The following PRPH2 variants were observed in gnomAD, a reference collection of about 807,000 sequenced individuals.
PRPH2 encodes the protein peripherin 2, also known as peripherin-2.
In PRPH2, 17 loss-of-function variants were observed where a neutral mutation model predicts 31.3. That is an observed-to-expected ratio of 0.54 (90% CI 0.37 to 0.81). The LOEUF (loss-of-function observed/expected upper bound fraction) is 0.81, where lower values mean the gene tolerates loss of function less well. Ranked by LOEUF, PRPH2 falls within the 40% of genes least tolerant of loss-of-function variation. The probability of loss-of-function intolerance (pLI) is 0.00; values close to 1 mark genes in which losing one functional copy is unlikely to be tolerated. For missense variants in PRPH2, 430 were observed against 439.7 expected, an observed-to-expected ratio of 0.98 and a Z score of 0.20; for synonymous variants, 165 against 184.4, an observed-to-expected ratio of 0.89 and a Z score of 0.85.
intron 2 of PRPH2, among the ~76,000 whole-genome samples, chr6:42,702,869 C>CA (rs879560328): frequency 9.3e-5 from 13 of 139,578 alleles, no homozygotes; most frequent in South Asian, 2.3e-4. Flanking sequence ...GACTTCATCT[C>CA]AAAAAAAAAG....
intron 2 of PRPH2, among the ~76,000 whole-genome samples, chr6:42,698,909 C>T (rs567141858): frequency 1.3e-5 from 2 of 152,252 alleles, no homozygotes; most frequent in African/African-American, 4.8e-5. Context: ...CCCCTCGGGT[C>T]GCCCCCATCC....
chr6:42,721,781 A>G lies in PRPH2; in HGVS notation c.554T>C (p.Leu185Pro), dbSNP rs121918563. ...FEIQWISNRYLDFSSKEVKDR... is the reference protein window; with the variant it reads ...FEIQWISNRYPDFSSKEVKDR... The stretch of plus-strand genomic sequence containing the variant: ...TTTGACTTCTTTGGAGGAAAAGTCC[A>G]GGTAGCGATTGCTGATCCACTGAAT... Residue 185 changes from leucine (L) to proline (P), a missense_variant, in exon 1 of 3, where the codon CTG becomes CCG. Physicochemically the swap from Leu to Pro is moderately conservative, Grantham distance 98. Coordinates refer to ENST00000230381, the MANE Select transcript of PRPH2 (RefSeq NM_000322.5). The G allele has an allele frequency of 9.9e-6, 16 of 1,614,112 alleles. No individual in the cohort carries two copies. Among genetic ancestry groups the G allele is most frequent in the Non-Finnish European group, 1.3e-5 (15 of 1,180,046 alleles).
chr6:42,709,058 C>T lies in PRPH2; in HGVS notation c.582-4447G>A, dbSNP rs557145536. The stretch of plus-strand genomic sequence containing the variant: ...CAAGAAGTCGGGGTCCAGCCGGGCG[C>T]GGTGGCTCACGCCTGTAATCCTAGC... On this transcript the variant is annotated intron_variant, in intron 1 of 2. Coordinates refer to ENST00000230381, the MANE Select transcript of PRPH2 (RefSeq NM_000322.5). Among the ~76,000 whole-genome samples, 8 of 151,998 alleles carry T rather than the reference C, an allele frequency of 5.3e-5. No homozygotes were observed. In the East Asian group the frequency reaches 1.2e-3, roughly 22 times the overall value.
At position 42,702,966 on chromosome 6, in the gene PRPH2, C is replaced by T. The variant is rs1800074983; in HGVS notation, c.828+1399G>A. Reference sequence around the variant, plus strand: ...CCAAGGTAAGAGGATTGCTTGAAGCCAGGAGTTAGAGAGCAGCCTGGGCAA... The same window carrying T: ...CCAAGGTAAGAGGATTGCTTGAAGCTAGGAGTTAGAGAGCAGCCTGGGCAA... On this transcript the variant is annotated intron_variant, in intron 2 of 2. Coordinates refer to ENST00000230381, the MANE Select transcript of PRPH2 (RefSeq NM_000322.5). 2.0e-5 allele frequency among the ~76,000 whole-genome samples: 3 copies of T among 152,124 alleles called. No homozygotes were observed. In the South Asian group the frequency reaches 6.2e-4, roughly 32 times the overall value.
Position 42,721,779 on chromosome 6 carries a change from C to G in PRPH2, c.556G>C (p.Asp186His). The change falls in exon 1 of 3, where the codon GAC (aspartate) becomes CAC (histidine). Residue 186 changes from aspartate to histidine, a missense_variant. Asp to His is a moderately conservative substitution (Grantham distance 81). Transcript: ENST00000230381. ...TCTTTGACTTCTTTGGAGGAAAAGT[C>G]CAGGTAGCGATTGCTGATCCACTGA... ...EIQWISNRYL[D>H]FSSKEVKDRI... 6.2e-7 allele frequency: 1 copy of G among 1,614,160 alleles called. No homozygotes were observed. The highest frequency in any genetic ancestry group is 1.1e-5 in the South Asian group (1 of 91,084).
chr6:42,715,672 AAAAAC>A (rs752126783), intron 1 of PRPH2, among the ~76,000 whole-genome samples: 1 of 152,210 alleles, frequency 6.6e-6, no homozygotes, highest in Non-Finnish European at 1.5e-5. Flanking sequence ...CTCCATTTCA[AAAAAC>A]AAAACAAAAC....
At chr6:42,718,751 T>C (rs1429807188) in intron 1 of PRPH2, among the ~76,000 whole-genome samples, 1 of 152,050 alleles carries the variant, frequency 6.6e-6, no homozygotes, top group Non-Finnish European at 1.5e-5. Context: ...TGGGCTCAAA[T>C]AAATTATCCT....
chr6:42,716,730 C>T (rs775844993), intron 1 of PRPH2, among the ~76,000 whole-genome samples: 5 of 148,886 alleles, frequency 3.4e-5, no homozygotes, highest in Non-Finnish European at 5.9e-5. Context: ...AAGCAATTCT[C>T]CTGCCTCAGC....
At position 42,722,273 on chromosome 6, in the gene PRPH2, C is replaced by T. The variant is rs2152011135; in HGVS notation, c.62G>A (p.Trp21Ter). The change falls in exon 1 of 3, where the codon TGG becomes TAG. Residue 21 changes from tryptophan (W) to a stop codon, truncating the protein, a stop_gained. Transcript: ENST00000230381. LOFTEE classifies it high-confidence loss of function. This position sits in a 1 kb window ranked among gnomAD's most constrained non-coding sequence, Gnocchi z 4.4. The stretch of plus-strand genomic sequence containing the variant: ...CAACACGGAGAACCAGTTCATGAGC[C>T]AGAGCCCTTGGGCCAACTTGACCCG... ...KKRVKLAQGL[W>*]LMNWFSVLAG... is the part of the protein sequence containing the mutation. The T allele has an allele frequency of 1.2e-6, 2 of 1,614,108 alleles. No individual in the cohort carries two copies. Among genetic ancestry groups the T allele is most frequent in the Non-Finnish European group, 1.7e-6 (2 of 1,180,024 alleles).
chr6:42,704,618 G>A lies in PRPH2; in HGVS notation c.582-7C>T, dbSNP rs1277573282. 6.2e-7 allele frequency: 1 copy of A among 1,614,092 alleles called. No individual in the cohort carries two copies. The highest frequency in any genetic ancestry group is 8.5e-7 in the Non-Finnish European group (1 of 1,180,046). On this transcript the variant is annotated splice_region_variant and splice_polypyrimidine_tract_variant and intron_variant, in intron 1 of 2. Transcript: ENST00000230381. ...CACGTTGCTCTTGATTCGACTTAAA[G>A]GGAAACAGACAGCTGGAGATGGGCT...
rs1010319015 is a variant in PRPH2 at position 42,722,275 on chromosome 6, G to C, written c.60C>G (p.Leu20=). Residue 20 remains leucine (L), a synonymous_variant, in exon 1 of 3, where the codon CTC becomes CTG. Coordinates refer to ENST00000230381, the MANE Select transcript of PRPH2 (RefSeq NM_000322.5). This position sits in a 1 kb window ranked among gnomAD's most constrained non-coding sequence, Gnocchi z 4.4. ...QKKRVKLAQG[L]WLMNWFSVLA... Reference sequence around the variant, plus strand: ...ACACGGAGAACCAGTTCATGAGCCAGAGCCCTTGGGCCAACTTGACCCGCT... The same window carrying C: ...ACACGGAGAACCAGTTCATGAGCCACAGCCCTTGGGCCAACTTGACCCGCT... 6.2e-7 allele frequency: 1 copy of C among 1,614,140 alleles called. No homozygotes were observed. The highest frequency in any genetic ancestry group is 2.2e-5 in the East Asian group (1 of 44,892).
At chr6:42,721,733 C>T in intron 1 of PRPH2, 21 bp downstream of exon 1, 1 of 1,613,674 alleles carries the variant, frequency 6.2e-7, no homozygotes, top group African/African-American at 1.3e-5. Context: ...AGCTCTGACC[C>T]CAGGACTGGA....
chr6:42,699,469 G>T (rs2152004105), intron 2 of PRPH2, among the ~76,000 whole-genome samples: 1 of 152,230 alleles, frequency 6.6e-6, no homozygotes, highest in Non-Finnish European at 1.5e-5. Flanking sequence ...AAATGCCTGG[G>T]TTCAAACCCG....
At position 42,711,215 on chromosome 6, in the gene PRPH2, A is replaced by G. The variant is rs991236184; in HGVS notation, c.582-6604T>C. Among the ~76,000 whole-genome samples the G allele has an allele frequency of 2.6e-5, 4 of 152,190 alleles. No individual in the cohort carries two copies. In the East Asian group the frequency reaches 7.7e-4, roughly 29 times the overall value. On this transcript the variant is annotated intron_variant, in intron 1 of 2. Coordinates refer to ENST00000230381, the MANE Select transcript of PRPH2 (RefSeq NM_000322.5). ...TCATGGGAGTGGGTTCCTGAGGAAAAGGATGAAATCGGGCCCCTCAGCAGA... is the reference window on the plus strand; with the variant it reads ...TCATGGGAGTGGGTTCCTGAGGAAAGGGATGAAATCGGGCCCCTCAGCAGA...
chr6:42,699,934 G>A (rs1800017397), intron 2 of PRPH2, among the ~76,000 whole-genome samples: 1 of 150,584 alleles, frequency 6.6e-6, no homozygotes, highest in Non-Finnish European at 1.5e-5. Context: ...AGAGTCAGCT[G>A]TAGCTGATAA....
intron 1 of PRPH2, among the ~76,000 whole-genome samples, chr6:42,713,494 C>T (rs1483182973): frequency 2.0e-5 from 3 of 152,150 alleles, no homozygotes; most frequent in Admixed American, 2.0e-4. Context: ...TTCTGTGGGG[C>T]CACCTCGTTA....
Position 42,699,047 on chromosome 6 carries a change from CTTT to C in PRPH2, c.829-543_829-541del, listed in dbSNP as rs759173553. 1.3e-3 allele frequency among the ~76,000 whole-genome samples: 51 copies of C among 38,542 alleles called. No homozygotes were observed. In the East Asian group the frequency reaches 0.022, roughly 16 times the overall value. 25.3% of individuals were successfully genotyped at this position (38,542 alleles called of 152,430 possible). On this transcript the variant is annotated intron_variant, in intron 2 of 2. Coordinates refer to ENST00000230381, the MANE Select transcript of PRPH2 (RefSeq NM_000322.5). ...TTTCTGCATCTGATGTGTGGTACTT[CTTT>C]TTTTTTTTTTTTTTTTTTTTTGAGA...
At chr6:42,709,540 G>A (rs989131664) in intron 1 of PRPH2, among the ~76,000 whole-genome samples, 10 of 152,088 alleles carry the variant, frequency 6.6e-5, no homozygotes, top group African/African-American at 2.4e-4. Flanking sequence ...TGCCTTCCTC[G>A]ATCTTATGGC....
intron 1 of PRPH2, among the ~76,000 whole-genome samples, chr6:42,705,602 ATATATATATATATATATAT>A (rs1800147927): frequency 8.5e-5 from 1 of 11,828 alleles, no homozygotes; most frequent in Admixed American, 9.0e-4. Flanking sequence ...AAAAAAAAAT[ATATATATATATATATATAT>A]ATATATATAT....
Sources: allele counts gnomAD v4.1 joint callset (sites outside exome capture counted in the v4.1 genomes callset), GRCh38; gene constraint gnomAD v4.1.1; non-coding constraint Gnocchi (gnomAD v3.1); transcripts MANE v1.5; gene names NCBI Gene and HGNC (gene_info 2026-07-23, HGNC 2026-07-21).